The following MAP2K6 variants were observed in gnomAD, a reference collection of about 807,000 sequenced individuals.
The protein encoded by MAP2K6 is mitogen-activated protein kinase kinase 6.
Under a neutral mutation model 53.7 loss-of-function variants are expected in MAP2K6, and 16 were observed. That is an observed-to-expected ratio of 0.30 (90% CI 0.20 to 0.45). The LOEUF (loss-of-function observed/expected upper bound fraction) is 0.45. Among genes scored for constraint, MAP2K6 ranks in the 20% least tolerant of loss-of-function variants. The pLI is 1.00. For synonymous variants in MAP2K6, 132 were observed against 143.1 expected, an observed-to-expected ratio of 0.92 and a Z score of 0.55; for missense variants, 204 against 411.9, an observed-to-expected ratio of 0.50 and a Z score of 4.37.
intron 1 of MAP2K6, chr17:69,433,104 T>C (rs1906519552): frequency 6.6e-6 from 1 of 152,200 alleles, no homozygotes; most frequent in African/African-American, 2.4e-5. Context: ...CCCAATGATA[T>C]GTGGTACAAA....
intron 1 of MAP2K6, among the ~76,000 whole-genome samples, chr17:69,472,174 C>T (rs946378519): frequency 5.9e-5 from 9 of 152,066 alleles, no homozygotes; most frequent in Non-Finnish European, 1.3e-4. Flanking sequence ...TGCATGCTAG[C>T]TCTGCATTTG....
At chr17:69,517,240 A>G (rs780740709) in intron 3 of MAP2K6, among the ~76,000 whole-genome samples, 1 of 151,844 alleles carries the variant, frequency 6.6e-6, no homozygotes, top group African/African-American at 2.4e-5. Context: ...AATAGCTTCA[A>G]CTGAGACATT....
intron 1 of MAP2K6, among the ~76,000 whole-genome samples, chr17:69,417,609 C>T (rs1273561722): frequency 6.6e-6 from 1 of 152,074 alleles, no homozygotes; most frequent in Non-Finnish European, 1.5e-5. Context: ...TGACATTTTT[C>T]AAATATTAAA....
At position 69,436,249 on chromosome 17, in the gene MAP2K6, C is replaced by T. The variant is rs372968770; in HGVS notation, c.16+21249C>T. The stretch of plus-strand genomic sequence containing the variant: ...AGCACAGCCCTTTGATTTACTTGAT[C>T]CAAAGAACTTTTACTTCCTTTCGCT... On this transcript the variant is annotated intron_variant, in intron 1 of 11. Coordinates refer to ENST00000590474, the MANE Select transcript of MAP2K6 (RefSeq NM_002758.4). 3.9e-5 allele frequency among the ~76,000 whole-genome samples: 6 copies of T among 152,170 alleles called. No individual in the cohort carries two copies. In the East Asian group the frequency reaches 9.7e-4, roughly 24 times the overall value.
chr17:69,502,361 C>T (rs998004133), intron 1 of MAP2K6: 9 of 985,296 alleles, frequency 9.1e-6, no homozygotes, highest in Non-Finnish European at 1.1e-5. Context: ...CCTCGAAAAC[C>T]TCACCAGAGT....
Position 69,549,450 on chromosome 17 carries a change from TGC to T in MAP2K6, c.*7698_*7699del, listed in dbSNP as rs1912006486. 6.6e-6 allele frequency: 1 copy of T among 152,326 alleles called. No homozygotes were observed. Among genetic ancestry groups the T allele is most frequent in the East Asian group, 1.9e-4 (1 of 5,186 alleles). The allele number at this position is 152,326 out of a possible 1,614,324, so 9.4% of individuals were successfully genotyped here. A position where few individuals can be genotyped will look rare whatever the true frequency, so the allele number is the denominator to read the frequency against. On this transcript the variant is annotated 3_prime_UTR_variant, in exon 12 of 12. Coordinates refer to ENST00000590474, the MANE Select transcript of MAP2K6 (RefSeq NM_002758.4). ...TTCAAAAGTCTTTTCTGTTTTCCTTTGCTACAATTTGCTTGTTATTTCTCTGC... is the reference window on the plus strand; with the variant it reads ...TTCAAAAGTCTTTTCTGTTTTCCTTTTACAATTTGCTTGTTATTTCTCTGC...
chr17:69,513,698 G>A (rs1300841723), intron 2 of MAP2K6, among the ~76,000 whole-genome samples: 3 of 152,120 alleles, frequency 2.0e-5, no homozygotes, highest in African/African-American at 4.8e-5. Context: ...GTAATTTGCT[G>A]AGCCCTGGTA....
intron 2 of MAP2K6, 97 bp from the exon 3 acceptor site, chr17:69,516,758 T>A (rs1910165515): frequency 6.9e-6 from 6 of 873,518 alleles, no homozygotes; most frequent in Admixed American, 4.4e-5. Flanking sequence ...TTCCACTTTC[T>A]TCTTAAGGAA....
intron 1 of MAP2K6, among the ~76,000 whole-genome samples, chr17:69,468,126 T>A (rs564687678): frequency 6.6e-6 from 1 of 152,346 alleles, no homozygotes; most frequent in Non-Finnish European, 1.5e-5. Context: ...AGTGCACCCC[T>A]TCCCGCATTC....
rs1022347597 is a variant in MAP2K6, at chr17:69,551,968, AAG to A, written c.*10218_*10219del. The A allele has an allele frequency of 1.3e-5, 2 of 152,222 alleles. No individual in the cohort carries two copies. Among genetic ancestry groups the A allele is most frequent in the Non-Finnish European group, 2.9e-5 (2 of 68,040 alleles). The allele number at this position is 152,222 out of a possible 1,614,324, so 9.4% of individuals were successfully genotyped here. A position where few individuals can be genotyped will look rare whatever the true frequency, so the allele number is the denominator to read the frequency against. On this transcript the variant is annotated 3_prime_UTR_variant, in exon 12 of 12. Transcript: ENST00000590474. The stretch of plus-strand genomic sequence containing the variant: ...TTGAACTTTACAAGAATTTTAATAA[AAG>A]AGGTGGATTTCTTCAGCTTTCTTTG...
intron 3 of MAP2K6, 110 bp from the exon 4 acceptor site, chr17:69,517,390 G>T: frequency 1.8e-6 from 1 of 545,492 alleles, no homozygotes. Context: ...AAATCTTCTG[G>T]CCCAGAAATA....
intron 2 of MAP2K6, among the ~76,000 whole-genome samples, chr17:69,507,108 G>T (rs1909541666): frequency 6.6e-6 from 1 of 151,968 alleles, no homozygotes; most frequent in Admixed American, 6.6e-5. Context: ...AGGAATTTAT[G>T]GGATATACTT....
At chr17:69,532,594 A>T (rs1446567524) in intron 10 of MAP2K6, among the ~76,000 whole-genome samples, 1 of 152,216 alleles carries the variant, frequency 6.6e-6, no homozygotes, top group Admixed American at 6.5e-5. Context: ...CCTACTAAAC[A>T]TGGAAAATTT....
intron 1 of MAP2K6, among the ~76,000 whole-genome samples, chr17:69,499,173 G>A (rs1909058608): frequency 6.6e-6 from 1 of 152,212 alleles, no homozygotes; most frequent in Non-Finnish European, 1.5e-5. Context: ...CAAGATTGAT[G>A]AGATGTTTGA....
At position 69,429,032 on chromosome 17, in the gene MAP2K6, G is replaced by T. The variant is rs528314438; in HGVS notation, c.16+14032G>T. On this transcript the variant is annotated intron_variant, in intron 1 of 11. Coordinates refer to ENST00000590474, the MANE Select transcript of MAP2K6 (RefSeq NM_002758.4). ...GACCTACACAACACTCCCTGTGGTT[G>T]TCACAGGCAGCTTTGATGTACAGAT... Among the ~76,000 whole-genome samples, 3 of 151,822 alleles carry T rather than the reference G, an allele frequency of 2.0e-5. No homozygotes were observed. The East Asian group carries it at 5.8e-4, about 29-fold the overall frequency.
chr17:69,478,248 A>G (rs2145188709), intron 1 of MAP2K6, among the ~76,000 whole-genome samples: 1 of 152,338 alleles, frequency 6.6e-6, no homozygotes, highest in East Asian at 1.9e-4. Flanking sequence ...TCAACCAAAG[A>G]GGCCAGTTTG....
chr17:69,541,787 G>A lies in MAP2K6; in HGVS notation c.*34G>A, dbSNP rs1361354994. 4 of 1,556,824 alleles carry A rather than the reference G, an allele frequency of 2.6e-6. No homozygotes were observed. Among genetic ancestry groups the A allele is most frequent in the African/African-American group, 1.4e-5 (1 of 73,620 alleles). ...GGACTTAATCGGTTGACCCTACTGTGGATTGGTGGGTTTCGGGGTGAAGCA... is the reference window on the plus strand; with the variant it reads ...GGACTTAATCGGTTGACCCTACTGTAGATTGGTGGGTTTCGGGGTGAAGCA... On this transcript the variant is annotated 3_prime_UTR_variant, in exon 12 of 12. Coordinates refer to ENST00000590474, the MANE Select transcript of MAP2K6 (RefSeq NM_002758.4).
At chr17:69,537,528 G>A (rs142402580) in intron 11 of MAP2K6, among the ~76,000 whole-genome samples, 4 of 152,320 alleles carry the variant, frequency 2.6e-5, no homozygotes, top group African/African-American at 9.6e-5. Flanking sequence ...GTGGTGAGGT[G>A]GCTTAGATAT....
chr17:69,521,285 A>G lies in MAP2K6; in HGVS notation c.535+185A>G, dbSNP rs533636025. The G allele has an allele frequency of 6.6e-6, 3 of 457,398 alleles. No individual in the cohort carries two copies. In the South Asian group the frequency reaches 1.5e-4, roughly 23 times the overall value. 28.3% of individuals were successfully genotyped at this position (457,398 alleles called of 1,614,324 possible). On this transcript the variant is annotated intron_variant, in intron 7 of 11. Coordinates refer to ENST00000590474, the MANE Select transcript of MAP2K6 (RefSeq NM_002758.4). ...GTAGTATTCCTTATCATGGCTGAGG[A>G]CATAAGAAGAAGACGTGATCTTTGT...
Sources: allele counts gnomAD v4.1 joint callset (sites outside exome capture counted in the v4.1 genomes callset), GRCh38; gene constraint gnomAD v4.1.1; transcripts MANE v1.5; gene names NCBI Gene and HGNC (gene_info 2026-07-23, HGNC 2026-07-21).